TACR3: variants seen among roughly 807,000 people sequenced by gnomAD.
TACR3 encodes neuromedin-K receptor.
A neutral mutation model predicts 35.0 loss-of-function variants in TACR3; 34 were observed. The observed-to-expected ratio is 0.97, with a 90% CI of 0.74 to 1.30. The LOEUF is 1.30. Among genes scored for constraint, TACR3 ranks in the 50% most tolerant of loss-of-function variants. The pLI is 0.00. For missense variants in TACR3, 558 were observed against 591.7 expected (o/e 0.94, Z 0.59); for synonymous variants, 233 against 221.1 (o/e 1.05, Z -0.48).
chr4:103,669,511 T>C (rs1726008285), intron 1 of TACR3, among the ~76,000 whole-genome samples: 1 of 152,122 alleles, frequency 6.6e-6, no homozygotes, highest in African/African-American at 2.4e-5. Flanking sequence ...ATCTATTACT[T>C]TTTGTATTTT....
At chr4:103,702,385 A>G (rs763773555) in intron 1 of TACR3, among the ~76,000 whole-genome samples, 1 of 152,216 alleles carries the variant, frequency 6.6e-6, no homozygotes, top group Admixed American at 6.5e-5. Flanking sequence ...GGCGATCATT[A>G]AAAAGTCAGG....
intron 3 of TACR3, among the ~76,000 whole-genome samples, chr4:103,596,992 A>T (rs1285227296): frequency 6.6e-6 from 1 of 151,602 alleles, no homozygotes; most frequent in Non-Finnish European, 1.5e-5. Context: ...TTCTTAATCC[A>T]GTCTATCATT....
At chr4:103,676,802 G>A (rs1350975384) in intron 1 of TACR3, among the ~76,000 whole-genome samples, 1 of 152,124 alleles carries the variant, frequency 6.6e-6, no homozygotes, top group Non-Finnish European at 1.5e-5. Flanking sequence ...ATAGGCACGG[G>A]CAAAGATTTT....
rs1009143415 is a variant in TACR3, at chr4:103,587,976, GTA to G, written c.*1704_*1705del. 1.4e-4 allele frequency: 21 copies of G among 148,642 alleles called. No individual in the cohort carries two copies. Among genetic ancestry groups the G allele is most frequent in the South Asian group, 6.2e-4 (3 of 4,814 alleles). The allele number at this position is 148,642 out of a possible 1,614,324, so 9.2% of individuals were successfully genotyped here. ...AATGATTGAATGTGTAGGCACATTT[GTA>G]TGTGTGTGTGTGTGTGTGTGTGTCT... is the stretch of plus-strand genomic sequence containing the variant. On this transcript the variant is annotated 3_prime_UTR_variant, in exon 5 of 5. Coordinates refer to ENST00000304883, the MANE Select transcript of TACR3 (RefSeq NM_001059.3).
chr4:103,690,424 T>C (rs1319689613), intron 1 of TACR3, among the ~76,000 whole-genome samples: 1 of 152,056 alleles, frequency 6.6e-6, no homozygotes, highest in Non-Finnish European at 1.5e-5. Context: ...AACTAGGAAC[T>C]CATTAGAAAG....
intron 4 of TACR3, among the ~76,000 whole-genome samples, chr4:103,590,324 A>G (rs954641616): frequency 3.9e-5 from 6 of 152,218 alleles, no homozygotes; most frequent in African/African-American, 1.4e-4. Context: ...AAATAATTGT[A>G]TACATTTACA....
At chr4:103,595,857 A>G (rs13132546) in intron 3 of TACR3, among the ~76,000 whole-genome samples, 4,372 of 148,278 alleles carry the variant, frequency 0.029, 187 homozygotes, top group African/African-American at 0.1. Flanking sequence ...CCACTAACTC[A>G]TCATCTAGCA....
intron 2 of TACR3, 85 bp from the exon 3 acceptor site, chr4:103,656,429 T>C: frequency 7.7e-7 from 1 of 1,306,428 alleles, no homozygotes; most frequent in Non-Finnish European, 1.1e-6. Context: ...TAAATCATAA[T>C]TAAAACTACC....
In TACR3 at chr4:103,719,118, C is replaced by A. The variant is rs1723152422; in HGVS notation, c.548+10G>T. ...TCTCCCTCTTTCCTCTCTGTCTGTC[C>A]TCTCCTCACCTGTCCACCGCAATGG... On this transcript the variant is annotated intron_variant, in intron 1 of 4. Coordinates refer to ENST00000304883, the MANE Select transcript of TACR3 (RefSeq NM_001059.3). 1 of 1,614,134 alleles carries A rather than the reference C, an allele frequency of 6.2e-7. No homozygotes were observed. The highest frequency in any genetic ancestry group is 8.5e-7 in the Non-Finnish European group (1 of 1,180,022).
intron 3 of TACR3, among the ~76,000 whole-genome samples, chr4:103,592,395 T>G (rs905778346): frequency 4.6e-5 from 7 of 152,196 alleles, no homozygotes; most frequent in Non-Finnish European, 8.8e-5. Context: ...ATTGTATACT[T>G]GTGAATGATA....
intron 3 of TACR3, among the ~76,000 whole-genome samples, chr4:103,631,454 C>A (rs192021234): frequency 3.3e-5 from 5 of 151,982 alleles, no homozygotes; most frequent in Non-Finnish European, 5.9e-5. Flanking sequence ...TATGGCAGAG[C>A]ACATAAATAT....
intron 3 of TACR3, among the ~76,000 whole-genome samples, chr4:103,650,351 C>A (rs1033221191): frequency 2.0e-5 from 3 of 148,734 alleles, no homozygotes; most frequent in Non-Finnish European, 4.4e-5. Flanking sequence ...TGGAGATATA[C>A]CTAATGTAAA....
At chr4:103,689,491 A>C (rs1722350633) in intron 1 of TACR3, among the ~76,000 whole-genome samples, 1 of 152,160 alleles carries the variant, frequency 6.6e-6, no homozygotes, top group Non-Finnish European at 1.5e-5. Flanking sequence ...TATAGAAATT[A>C]CAAAAAGAAT....
In TACR3 at chr4:103,640,910, G is replaced by A. The variant is rs538046956; in HGVS notation, c.888+15284C>T. On this transcript the variant is annotated intron_variant, in intron 3 of 4. Transcript: ENST00000304883. ...GCCATGCAGAAGATTTTAGTTTAAT[G>A]CAATCTTGTTTGTCTATTTTGCTTT... Among the ~76,000 whole-genome samples the A allele has an allele frequency of 2.2e-3, 329 of 151,922 alleles. 1 individual carries two copies. The highest frequency in any genetic ancestry group is 3.7e-3 in the Non-Finnish European group (251 of 67,924).
chr4:103,642,589 ATG>A (rs1308777661), intron 3 of TACR3, among the ~76,000 whole-genome samples: 1 of 151,854 alleles, frequency 6.6e-6, no homozygotes. Context: ...ACTCACTCAT[ATG>A]TGGGAACTAT....
intron 3 of TACR3, among the ~76,000 whole-genome samples, chr4:103,594,451 A>G (rs757933927): frequency 3.3e-5 from 5 of 152,198 alleles, no homozygotes; most frequent in South Asian, 2.1e-4. Context: ...TTCTGGGATT[A>G]CAGGTGTGAG....
chr4:103,695,512 A>C (rs55914005), intron 1 of TACR3, among the ~76,000 whole-genome samples: 18,030 of 152,132 alleles, frequency 0.12, 1,470 homozygotes, highest in East Asian at 0.43. Flanking sequence ...TTACTTTATC[A>C]TAAGAATACA....
At chr4:103,607,033 G>A (rs1043543067) in intron 3 of TACR3, among the ~76,000 whole-genome samples, 1 of 152,052 alleles carries the variant, frequency 6.6e-6, no homozygotes, top group South Asian at 2.1e-4. Flanking sequence ...TAGCATGAAG[G>A]GTTGTTGAAT....
At chr4:103,617,303 TAAAG>T (rs961643256) in intron 3 of TACR3, among the ~76,000 whole-genome samples, 53 of 152,260 alleles carry the variant, frequency 3.5e-4, no homozygotes, top group African/African-American at 9.1e-4. Context: ...AAAAAGTATT[TAAAG>T]AAAGAGAGAA....
Sources: allele counts gnomAD v4.1 joint callset (sites outside exome capture counted in the v4.1 genomes callset), GRCh38; gene constraint gnomAD v4.1.1; transcripts MANE v1.5; gene names NCBI Gene and HGNC (gene_info 2026-07-23, HGNC 2026-07-21).